SMCO3: variants seen among roughly 807,000 people sequenced by gnomAD.
The protein encoded by SMCO3 is single-pass membrane and coiled-coil domain-containing protein 3.
A neutral mutation model predicts 12.0 loss-of-function variants in SMCO3; 6 were observed. The observed-to-expected ratio is 0.50, with a 90% confidence interval of 0.27 to 0.99. SMCO3 has a LOEUF of 0.99. SMCO3 is among the 50% of genes least tolerant of loss of function. SMCO3 has a pLI of 0.11. For missense variants in SMCO3, 279 were observed against 265.0 expected (o/e 1.05, Z -0.37); for synonymous variants, 96 against 96.4 (o/e 1.00, Z 0.02).
intron 1 of SMCO3, among the ~76,000 whole-genome samples, chr12:14,808,461 T>C (rs1950087505): frequency 6.6e-6 from 1 of 152,192 alleles, no homozygotes; most frequent in African/African-American, 2.4e-5. Flanking sequence ...AGCCTCTTTT[T>C]GAGTAAATAA....
At chr12:14,812,796 G>A (rs929665703) in intron 1 of SMCO3, among the ~76,000 whole-genome samples, 1 of 151,916 alleles carries the variant, frequency 6.6e-6, no homozygotes, top group African/African-American at 2.4e-5. Flanking sequence ...ACATACACAG[G>A]TTTGTTCCCT....
Position 14,804,768 on chromosome 12 carries a change from G to A in SMCO3, c.*1235C>T, listed in dbSNP as rs889785625. ...AATGCAAGAAGAGAAAGAGAAAACA[G>A]TGTATGTTGGAAATATTAAAGTCTT... On this transcript the variant is annotated 3_prime_UTR_variant, in exon 2 of 2. Coordinates refer to ENST00000316048, the MANE Select transcript of SMCO3 (RefSeq NM_001013698.2). 5.9e-5 allele frequency: 9 copies of A among 152,208 alleles called. No homozygotes were observed. The highest frequency in any genetic ancestry group is 1.4e-4 in the African/African-American group (6 of 41,450). 9.4% of individuals were successfully genotyped at this position (152,208 alleles called of 1,614,324 possible). A position where few individuals can be genotyped will look rare whatever the true frequency, so the allele number is the denominator to read the frequency against.
At chr12:14,811,033 T>G (rs1950127875) in intron 1 of SMCO3, among the ~76,000 whole-genome samples, 1 of 152,228 alleles carries the variant, frequency 6.6e-6, no homozygotes, top group Non-Finnish European at 1.5e-5. Flanking sequence ...GACCTGTCAC[T>G]TTCAAAGATT....
chr12:14,806,414 A>C lies in SMCO3; in HGVS notation c.267T>G (p.Asp89Glu). Residue 89 changes from aspartate (D) to glutamate (E), a missense_variant, in exon 2 of 2, where the codon GAT becomes GAG. Asp to Glu is a conservative substitution (Grantham distance 45). Coordinates refer to ENST00000316048, the MANE Select transcript of SMCO3 (RefSeq NM_001013698.2). ...ELQKVDEALK[D>E]KLEPTLYRKL... The stretch of plus-strand genomic sequence containing the variant: ...TTCTATAGAGGGTTGGCTCTAGCTT[A>C]TCTTTTAGTGCTTCATCAACCTTCT... 3.1e-6 allele frequency: 5 copies of C among 1,614,132 alleles called. No individual in the cohort carries two copies. Among genetic ancestry groups the C allele is most frequent in the Non-Finnish European group, 4.2e-6 (5 of 1,180,032 alleles).
intron 1 of SMCO3, among the ~76,000 whole-genome samples, chr12:14,809,925 A>G (rs1430112280): frequency 2.6e-5 from 4 of 152,254 alleles, no homozygotes; most frequent in Non-Finnish European, 4.4e-5. Flanking sequence ...ACTAGAAATC[A>G]AAGTGTAAGA....
intron 1 of SMCO3, among the ~76,000 whole-genome samples, chr12:14,810,165 G>A (rs981966587): frequency 1.3e-5 from 2 of 152,002 alleles, no homozygotes; most frequent in Non-Finnish European, 2.9e-5. Context: ...TTTTTTCCTT[G>A]GGTGGGGAGT....
At chr12:14,813,494 A>T (rs2137270486) in intron 1 of SMCO3, among the ~76,000 whole-genome samples, 1 of 152,380 alleles carries the variant, frequency 6.6e-6, no homozygotes, top group East Asian at 1.9e-4. Context: ...TCATTTAAAA[A>T]ATGTTTCTGA....
intron 1 of SMCO3, among the ~76,000 whole-genome samples, chr12:14,807,685 A>G (rs1393553319): frequency 6.6e-6 from 1 of 152,206 alleles, no homozygotes; most frequent in Admixed American, 6.5e-5. Context: ...TTGGATTAAA[A>G]TTTCATGTGG....
At chr12:14,807,128 G>A (rs1429385573) in intron 1 of SMCO3, among the ~76,000 whole-genome samples, 3 of 152,158 alleles carry the variant, frequency 2.0e-5, no homozygotes, top group African/African-American at 4.8e-5. Context: ...CACTGTGCCC[G>A]CCCTCAGCAG....
intron 1 of SMCO3, among the ~76,000 whole-genome samples, chr12:14,807,184 G>A (rs182586454): frequency 5.3e-5 from 8 of 152,322 alleles, no homozygotes; most frequent in Middle Eastern, 3.4e-3. Context: ...TCAGTGTATG[G>A]AAAGTGTAGG....
chr12:14,811,842 C>T (rs1950144541), intron 1 of SMCO3, among the ~76,000 whole-genome samples: 1 of 152,066 alleles, frequency 6.6e-6, no homozygotes, highest in Non-Finnish European at 1.5e-5. Context: ...AAATTAATAT[C>T]AAGGTGATTA....
At chr12:14,811,102 T>C (rs1472472840) in intron 1 of SMCO3, among the ~76,000 whole-genome samples, 1 of 152,238 alleles carries the variant, frequency 6.6e-6, no homozygotes, top group African/African-American at 2.4e-5. Context: ...ACCTATTGTA[T>C]GGTAAGTTTG....
intron 1 of SMCO3, among the ~76,000 whole-genome samples, chr12:14,812,218 G>C (rs1272112118): frequency 6.6e-6 from 1 of 152,224 alleles, no homozygotes; most frequent in African/African-American, 2.4e-5. Context: ...GCCGAGGCGG[G>C]CGGATCACGA....
Position 14,805,749 on chromosome 12 carries a change from G to A in SMCO3, c.*254C>T. On this transcript the variant is annotated 3_prime_UTR_variant, in exon 2 of 2. Coordinates refer to ENST00000316048, the MANE Select transcript of SMCO3 (RefSeq NM_001013698.2). ...TAGCATTTACCCCAATGTTGATCTG[G>A]TAGAGCAGGGTGTGAAAACATCCAG... The A allele has an allele frequency of 2.2e-6, 1 of 460,854 alleles. No homozygotes were observed. The highest frequency in any genetic ancestry group is 3.8e-6 in the Non-Finnish European group (1 of 261,298). The allele number at this position is 460,854 out of a possible 1,614,324, so 28.5% of individuals were successfully genotyped here.
Position 14,806,290 on chromosome 12 carries a change from C to T in SMCO3, c.391G>A (p.Val131Ile), listed in dbSNP as rs1409813402. ...LGEATSAASA[V>I]AVKLVGSNVT... ...TTTGAGCCCACAAGTTTAACAGCGACTGCACTGGCTGCAGATGTAGCTTCT... is the reference window on the plus strand; with the variant it reads ...TTTGAGCCCACAAGTTTAACAGCGATTGCACTGGCTGCAGATGTAGCTTCT... The change falls in exon 2 of 2, where the codon GTC (valine) becomes ATC (isoleucine). Residue 131 changes from valine (V) to isoleucine (I), a missense_variant. Transcript: ENST00000316048. The T allele has an allele frequency of 2.5e-6, 4 of 1,614,252 alleles. No homozygotes were observed. In the Admixed American group the frequency reaches 5.0e-5, roughly 20 times the overall value.
intron 1 of SMCO3, 141 bp from the exon 2 acceptor site, chr12:14,806,837 C>T (rs909694535): frequency 1.4e-5 from 11 of 803,840 alleles, no homozygotes; most frequent in African/African-American, 5.2e-5. Context: ...GAACACTCAA[C>T]AAGTTTTTTT....
intron 1 of SMCO3, among the ~76,000 whole-genome samples, chr12:14,809,345 T>C (rs1950101824): frequency 6.6e-6 from 1 of 152,164 alleles, no homozygotes. Context: ...TCTGAAAGAC[T>C]GAACAGGTGA....
At chr12:14,813,895 C>G (rs1167067639) in intron 1 of SMCO3, among the ~76,000 whole-genome samples, 1 of 152,154 alleles carries the variant, frequency 6.6e-6, no homozygotes, top group Non-Finnish European at 1.5e-5. Flanking sequence ...CTTAATCAGT[C>G]CTAGAAATTG....
At chr12:14,813,599 A>G (rs1016713796) in intron 1 of SMCO3, among the ~76,000 whole-genome samples, 5 of 152,210 alleles carry the variant, frequency 3.3e-5, no homozygotes, top group Non-Finnish European at 7.3e-5. Flanking sequence ...GAAAACGACA[A>G]TGTTCCTTGC....
Sources: allele counts gnomAD v4.1 joint callset (sites outside exome capture counted in the v4.1 genomes callset), GRCh38; gene constraint gnomAD v4.1.1; transcripts MANE v1.5; gene names NCBI Gene and HGNC (gene_info 2026-07-23, HGNC 2026-07-21).